Variants in SPINDOC observed in about 807,000 individuals in gnomAD.
SPINDOC encodes the protein spindlin interactor and repressor of chromatin-binding protein.
In SPINDOC, 13 loss-of-function variants were observed where a neutral mutation model predicts 30.7. The observed-to-expected ratio is 0.42, with a 90% confidence interval of 0.28 to 0.67. The LOEUF (loss-of-function observed/expected upper bound fraction) is 0.67, where lower values mean the gene tolerates loss of function less well. SPINDOC is among the 30% of genes least tolerant of loss of function. The pLI, the probability that SPINDOC is intolerant of heterozygous loss-of-function variation, is 0.22. For missense variants in SPINDOC, 438 were observed against 518.0 expected, an observed-to-expected ratio of 0.85 and a Z score of 1.50; for synonymous variants, 228 against 211.4, an observed-to-expected ratio of 1.08 and a Z score of -0.68.
At position 63,815,047 on chromosome 11, in the gene SPINDOC, T is replaced by C. The variant is rs543299919; in HGVS notation, c.127+1234T>C. ...CGAAACCCTGCTCTTGAAGAACATA[T>C]ATATACCAATGGCTAAAGACAGAGA... On this transcript the variant is annotated intron_variant, in intron 1 of 5. Transcript: ENST00000294244. 2.0e-5 allele frequency among the ~76,000 whole-genome samples: 3 copies of C among 152,290 alleles called. No homozygotes were observed. The South Asian group carries it at 6.2e-4, about 32-fold the overall frequency.
At chr11:63,821,378 T>A (rs1167043867) in intron 5 of SPINDOC, among the ~76,000 whole-genome samples, 2 of 152,176 alleles carry the variant, frequency 1.3e-5, no homozygotes, top group Admixed American at 1.3e-4. Context: ...TCTTTTTGAG[T>A]CCGCTGATGA....
At chr11:63,820,565 T>C (rs1282720886) in intron 5 of SPINDOC, among the ~76,000 whole-genome samples, 1 of 152,050 alleles carries the variant, frequency 6.6e-6, no homozygotes, top group Non-Finnish European at 1.5e-5. Context: ...TATTTGCTGC[T>C]GTAACAAATC....
rs2015410303 is a variant in SPINDOC at position 63,818,470 on chromosome 11, G to C, written c.608-57G>C. The C allele has an allele frequency of 6.2e-7, 1 of 1,604,366 alleles. No homozygotes were observed. Among genetic ancestry groups the C allele is most frequent in the South Asian group, 1.1e-5 (1 of 90,708 alleles). On this transcript the variant is annotated intron_variant, in intron 3 of 5. Coordinates refer to ENST00000294244, the MANE Select transcript of SPINDOC (RefSeq NM_138471.3). This position sits in a 1 kb window ranked among gnomAD's most constrained non-coding sequence, Gnocchi z 5.3. ...GGCAGGTATCTTCAGGAGCCCTGGG[G>C]TGGCAGGGTTCGGGGATGGCCTCTT... is the stretch of plus-strand genomic sequence containing the variant.
At chr11:63,815,487 T>C (rs2015314537) in intron 1 of SPINDOC, among the ~76,000 whole-genome samples, 1 of 152,212 alleles carries the variant, frequency 6.6e-6, no homozygotes, top group Non-Finnish European at 1.5e-5. Flanking sequence ...TTATGACATA[T>C]TCAGGTGGAG....
chr11:63,815,170 A>G (rs1011990505), intron 1 of SPINDOC, among the ~76,000 whole-genome samples: 1 of 152,254 alleles, frequency 6.6e-6, no homozygotes, highest in Admixed American at 6.5e-5. Flanking sequence ...TTAATTGAAT[A>G]TATCGAGTGG....
rs1245954707 is a variant in SPINDOC, at chr11:63,813,518, C to G, written c.-169C>G. ...AGGTCTCGGGGAGGCCCGGACGCGCCGGTCGCAGGCCCGGCCGGCGAGCGG... is the reference window on the plus strand; with the variant it reads ...AGGTCTCGGGGAGGCCCGGACGCGCGGGTCGCAGGCCCGGCCGGCGAGCGG... On this transcript the variant is annotated 5_prime_UTR_variant, in exon 1 of 6. Transcript: ENST00000294244. The G allele has an allele frequency of 4.9e-6, 2 of 406,788 alleles. No homozygotes were observed. The highest frequency in any genetic ancestry group is 3.3e-4 in the East Asian group (2 of 6,100). 25.2% of individuals were successfully genotyped at this position (406,788 alleles called of 1,614,324 possible). A position where few individuals can be genotyped will look rare whatever the true frequency, so the allele number is the denominator to read the frequency against.
Position 63,822,843 on chromosome 11 carries a change from G to A in SPINDOC, c.934+3841G>A, listed in dbSNP as rs528415206. On this transcript the variant is annotated intron_variant, in intron 5 of 5. Coordinates refer to ENST00000294244, the MANE Select transcript of SPINDOC (RefSeq NM_138471.3). ...CCCTGTGCGCAAACTCCATCTATCTGGAGTGGTGAGTAGATGAGAAGAGAA... is the reference window on the plus strand; with the variant it reads ...CCCTGTGCGCAAACTCCATCTATCTAGAGTGGTGAGTAGATGAGAAGAGAA... 1.6e-5 allele frequency: 21 copies of A among 1,289,192 alleles called. No homozygotes were observed. In the Middle Eastern group the frequency reaches 1.1e-3, roughly 66 times the overall value. 79.9% of individuals were successfully genotyped at this position (1,289,192 alleles called of 1,614,324 possible). A position where few individuals can be genotyped will look rare whatever the true frequency, so the allele number is the denominator to read the frequency against.
intron 1 of SPINDOC, 37 bp from the exon 2 acceptor site, chr11:63,817,768 C>G (rs1565075053): frequency 6.7e-7 from 1 of 1,503,312 alleles, no homozygotes; most frequent in Admixed American, 2.1e-5. Context: ...GTTGTGGGCA[C>G]CTTTAGTGAT....
At chr11:63,826,895 C>A (rs1355411240) in intron 5 of SPINDOC, 33 bp from the exon 6 acceptor site, 3 of 1,091,932 alleles carry the variant, frequency 2.7e-6, no homozygotes, top group South Asian at 1.3e-5. Flanking sequence ...GTCTGGGGGG[C>A]TCTGACTGCT....
intron 5 of SPINDOC, among the ~76,000 whole-genome samples, chr11:63,826,324 C>G (rs1356411534): frequency 6.6e-6 from 1 of 152,190 alleles, no homozygotes; most frequent in African/African-American, 2.4e-5. Flanking sequence ...GTCCTCTTTC[C>G]TCTGCCTCGA....
chr11:63,822,577 A>C (rs184731031), intron 5 of SPINDOC: 1 of 1,286,782 alleles, frequency 7.8e-7, no homozygotes, highest in Non-Finnish European at 1.0e-6. Flanking sequence ...CCGTTTTCTG[A>C]TCTCGAGGCA....
At chr11:63,826,016 G>A (rs1286831493) in intron 5 of SPINDOC, among the ~76,000 whole-genome samples, 1 of 151,524 alleles carries the variant, frequency 6.6e-6, no homozygotes, top group Non-Finnish European at 1.5e-5. Context: ...TTGGCTCACT[G>A]CAACCTCCAC....
In SPINDOC at chr11:63,821,131, C is replaced by T. The variant is rs185256266; in HGVS notation, c.934+2129C>T. ...AAAATGGGTCTCACTGAGCTAAAATCAAGCTGTTGGCAGGGCTGTGTTCCT... is the reference window on the plus strand; with the variant it reads ...AAAATGGGTCTCACTGAGCTAAAATTAAGCTGTTGGCAGGGCTGTGTTCCT... On this transcript the variant is annotated intron_variant, in intron 5 of 5. Coordinates refer to ENST00000294244, the MANE Select transcript of SPINDOC (RefSeq NM_138471.3). Among the ~76,000 whole-genome samples the T allele has an allele frequency of 2.1e-3, 321 of 152,274 alleles. 1 individual carries two copies. Among genetic ancestry groups the T allele is most frequent in the African/African-American group, 7.0e-3 (290 of 41,564 alleles).
intron 5 of SPINDOC, among the ~76,000 whole-genome samples, chr11:63,820,905 A>AAAAAAAAAAAAC: frequency 6.7e-6 from 1 of 148,812 alleles, no homozygotes; most frequent in Non-Finnish European, 1.5e-5. Context: ...AAAAAAAAAA[A>AAAAAAAAAAAAC]AACAACACAC....
chr11:63,820,429 C>T (rs2015481974), intron 5 of SPINDOC, among the ~76,000 whole-genome samples: 1 of 148,592 alleles, frequency 6.7e-6, no homozygotes, highest in African/African-American at 2.5e-5. Context: ...AGCTTACATA[C>T]AGTTTATTTG....
chr11:63,822,966 T>A, intron 5 of SPINDOC: 2 of 1,140,000 alleles, frequency 1.8e-6, no homozygotes, highest in Admixed American at 2.4e-5. Context: ...CGGAGGCAAT[T>A]GTAGGGTGTT....
In SPINDOC at chr11:63,827,069, ACTGGCCCACAGTT is replaced by A. The variant is rs1255462279; in HGVS notation, c.1080_1092del (p.Trp360CysfsTer30). 2 of 1,613,982 alleles carry A rather than the reference ACTGGCCCACAGTT, an allele frequency of 1.2e-6. No homozygotes were observed. Among genetic ancestry groups the A allele is most frequent in the Non-Finnish European group, 1.7e-6 (2 of 1,179,968 alleles). ...CGTGTGGGAGCAGGTGACACCTCAG[ACTGGCCCACAGTT>A]CTGTCAGAATCCAGCACCACTGTGG... On this transcript the variant is annotated frameshift_variant, in exon 6 of 6. Transcript: ENST00000294244. LOFTEE classifies it low-confidence loss of function (END_TRUNC).
intron 5 of SPINDOC, chr11:63,823,242 A>G (rs369264954): frequency 3.9e-6 from 5 of 1,284,684 alleles, no homozygotes; most frequent in East Asian, 5.6e-5. Context: ...CACGAACCCA[A>G]AGCTTGGACA....
At chr11:63,822,848 G>T (rs1049477190) in intron 5 of SPINDOC, 32 of 1,289,164 alleles carry the variant, frequency 2.5e-5, no homozygotes, top group Middle Eastern at 4.3e-4. Context: ...TATCTGGAGT[G>T]GTGAGTAGAT....
Sources: gnomAD v4.1 joint callset for allele counts (sites outside exome capture counted in the v4.1 genomes callset) on GRCh38, gnomAD v4.1.1 for gene constraint, Gnocchi (gnomAD v3.1) non-coding constraint, MANE v1.5 for transcripts, NCBI Gene and HGNC (gene_info 2026-07-23, HGNC 2026-07-21) for gene names.